The following CCSER2 variants were observed in gnomAD, a reference collection of about 807,000 sequenced individuals.
CCSER2 encodes the protein serine-rich coiled-coil domain-containing protein 2.
A neutral mutation model predicts 92.3 loss-of-function variants in CCSER2; 46 were observed. That is an observed-to-expected ratio of 0.50 (90% CI 0.39 to 0.64). CCSER2 has a LOEUF of 0.64. CCSER2 is among the 30% of genes least tolerant of loss of function. The pLI is 0.00. For missense variants in CCSER2, 1,244 were observed against 1,238.9 expected, an observed-to-expected ratio of 1.00 and a Z score of -0.06; for synonymous variants, 433 against 431.4, an observed-to-expected ratio of 1.00 and a Z score of -0.04.
chr10:84,460,256 A>ATTTTT lies in CCSER2; in HGVS notation c.2065-3663_2065-3659dup, dbSNP rs57903884. Among the ~76,000 whole-genome samples, 983 of 125,664 alleles carry ATTTTT rather than the reference A, an allele frequency of 7.8e-3. 8 individuals carry two copies. The highest frequency in any genetic ancestry group is 0.029 in the South Asian group (105 of 3,652). The allele number at this position is 125,664 out of a possible 152,430, so 82.4% of individuals were successfully genotyped here. A position where few individuals can be genotyped will look rare whatever the true frequency, so the allele number is the denominator to read the frequency against. ...GGGCATGCGCCACCATGCCCGGCTG[A>ATTTTT]TTTTTTTTTTTTTTTTTTCATATTT... On this transcript the variant is annotated intron_variant, in intron 6 of 9. Transcript: ENST00000372088.
In CCSER2 at chr10:84,425,888, G is replaced by T. The variant is rs755677090; in HGVS notation, c.1863G>T (p.Leu621Phe). Residue 621 changes from leucine (L) to phenylalanine (F), a missense_variant, in exon 5 of 10, where the codon TTG (leucine) becomes TTT (phenylalanine). Physicochemically the swap from Leu to Phe is conservative, Grantham distance 22. Coordinates refer to ENST00000372088, the MANE Select transcript of CCSER2 (RefSeq NM_001284240.2). ...ATCATCACCATGGAAAAAGTGACTT[G>T]AGCAGGTAAGTACTGTTCTGACTTA... ...DHYHHHGKSD[L>F]SRGSPYRESP... is the part of the protein sequence containing the mutation. The T allele has an allele frequency of 7.5e-6, 12 of 1,597,440 alleles. No individual in the cohort carries two copies. The highest frequency in any genetic ancestry group is 1.0e-5 in the Non-Finnish European group (12 of 1,169,996).
In CCSER2 at chr10:84,417,791, A is replaced by C; in HGVS notation, c.1635A>C (p.Glu545Asp). Residue 545 changes from glutamate to aspartate, a missense_variant, in exon 4 of 10, where the codon GAA becomes GAC. Coordinates refer to ENST00000372088, the MANE Select transcript of CCSER2 (RefSeq NM_001284240.2). ...MNSIDILNNL[E>D]SCDLEDDDLM... ...CACAGGATATTTTGAATAATCTTGA[A>C]TCATGTGACCTTGAGGATGATGATC... 1 of 1,576,792 alleles carries C rather than the reference A, an allele frequency of 6.3e-7. No individual in the cohort carries two copies. Among genetic ancestry groups the C allele is most frequent in the Non-Finnish European group, 8.7e-7 (1 of 1,146,070 alleles).
At chr10:84,473,191 A>T (rs1564701480) in intron 8 of CCSER2, 1 of 152,096 alleles carries the variant, frequency 6.6e-6, no homozygotes, top group Non-Finnish European at 1.5e-5. Context: ...TAAACCTAGT[A>T]ATCATATTTG....
At chr10:84,357,860 GCACAT>G (rs1245297251) in intron 1 of CCSER2, among the ~76,000 whole-genome samples, 21 of 152,320 alleles carry the variant, frequency 1.4e-4, no homozygotes, top group African/African-American at 5.1e-4. Flanking sequence ...GCAGTTGCTG[GCACAT>G]AATGGATGTT....
chr10:84,481,727 A>G (rs1384917277), intron 9 of CCSER2, among the ~76,000 whole-genome samples: 1 of 152,118 alleles, frequency 6.6e-6, no homozygotes. Flanking sequence ...CAGAGTGTGA[A>G]GCACGTCTTA....
intron 1 of CCSER2, among the ~76,000 whole-genome samples, chr10:84,364,617 A>G (rs1319240003): frequency 2.0e-5 from 3 of 152,184 alleles, no homozygotes; most frequent in East Asian, 3.8e-4. Context: ...CATGGTACCT[A>G]TCATGTAAGT....
intron 8 of CCSER2, among the ~76,000 whole-genome samples, chr10:84,470,789 AC>A (rs923622714): frequency 6.6e-6 from 1 of 152,068 alleles, no homozygotes; most frequent in Non-Finnish European, 1.5e-5. Context: ...TGAGTTGAGA[AC>A]AGGGTATTTT....
intron 3 of CCSER2, among the ~76,000 whole-genome samples, chr10:84,385,018 C>A (rs970365087): frequency 1.3e-5 from 2 of 151,850 alleles, no homozygotes; most frequent in African/African-American, 4.8e-5. Context: ...CACACACACA[C>A]ACACACACAC....
intron 3 of CCSER2, among the ~76,000 whole-genome samples, chr10:84,388,073 C>T (rs879934852): frequency 3.9e-5 from 6 of 152,122 alleles, no homozygotes; most frequent in Admixed American, 3.9e-4. Flanking sequence ...CCATGCTGGC[C>T]AGGCTGGTCT....
chr10:84,338,291 TAAAA>T (rs77000035), intron 1 of CCSER2, among the ~76,000 whole-genome samples: 3 of 108,804 alleles, frequency 2.8e-5, no homozygotes, highest in African/African-American at 8.4e-5. Context: ...AAGAAAAACT[TAAAA>T]AAAAAAAAAA....
intron 6 of CCSER2, among the ~76,000 whole-genome samples, chr10:84,440,579 T>C (rs962976514): frequency 6.6e-6 from 1 of 152,200 alleles, no homozygotes; most frequent in Non-Finnish European, 1.5e-5. Context: ...CCAAAGCTTC[T>C]CTAGAGCTGT....
At chr10:84,477,739 A>C in intron 9 of CCSER2, 75 bp downstream of exon 9, 1 of 795,964 alleles carries the variant, frequency 1.3e-6, no homozygotes, top group African/African-American at 1.8e-5. Flanking sequence ...TTTTTACAGC[A>C]ATCTCTAATG....
chr10:84,433,819 G>A (rs1341243790), intron 5 of CCSER2, among the ~76,000 whole-genome samples: 1 of 152,100 alleles, frequency 6.6e-6, no homozygotes, highest in Non-Finnish European at 1.5e-5. Flanking sequence ...AAAGAGCAAG[G>A]TTAGATAATA....
intron 3 of CCSER2, among the ~76,000 whole-genome samples, chr10:84,414,843 T>C (rs769386188): frequency 5.9e-5 from 9 of 152,206 alleles, no homozygotes; most frequent in Non-Finnish European, 1.0e-4. Context: ...TTTGTTCATT[T>C]ATTTTCATTC....
intron 6 of CCSER2, among the ~76,000 whole-genome samples, chr10:84,440,174 T>C (rs979543260): frequency 6.6e-6 from 1 of 152,200 alleles, no homozygotes; most frequent in African/African-American, 2.4e-5. Context: ...AAGTGTTTTT[T>C]GAGGTTCTTT....
chr10:84,360,143 A>G (rs1299785198), intron 1 of CCSER2, among the ~76,000 whole-genome samples: 1 of 152,182 alleles, frequency 6.6e-6, no homozygotes, highest in East Asian at 1.9e-4. Context: ...GAAGTTTTAT[A>G]TGGATGTTTT....
At chr10:84,480,566 A>G (rs1443929118) in intron 9 of CCSER2, among the ~76,000 whole-genome samples, 2 of 152,204 alleles carry the variant, frequency 1.3e-5, no homozygotes. Context: ...GAGTAACCTG[A>G]GGCCAAAATA....
At position 84,516,689 on chromosome 10, in the gene CCSER2, C is replaced by T. The variant is rs1247915245; in HGVS notation, c.*2422C>T. ...GTCCATTACATAAAAATGTTGACTC[C>T]AGTAATTTATTTTTCTCTATTTTTT... On this transcript the variant is annotated 3_prime_UTR_variant, in exon 10 of 10. Transcript: ENST00000372088. The T allele has an allele frequency of 6.6e-6, 1 of 152,038 alleles. No homozygotes were observed. The highest frequency in any genetic ancestry group is 1.5e-5 in the Non-Finnish European group (1 of 67,996). 9.4% of individuals were successfully genotyped at this position (152,038 alleles called of 1,614,324 possible). A position where few individuals can be genotyped will look rare whatever the true frequency, so the allele number is the denominator to read the frequency against.
intron 1 of CCSER2, among the ~76,000 whole-genome samples, chr10:84,337,772 C>T (rs1375524288): frequency 1.3e-5 from 2 of 152,102 alleles, no homozygotes; most frequent in African/African-American, 4.8e-5. Flanking sequence ...ACAAGTCTGT[C>T]TTTCTCCAAA....
Sources: gnomAD v4.1 joint callset for allele counts (sites outside exome capture counted in the v4.1 genomes callset) on GRCh38, gnomAD v4.1.1 for gene constraint, MANE v1.5 for transcripts, NCBI Gene and HGNC (gene_info 2026-07-23, HGNC 2026-07-21) for gene names.